Variants in TRDN observed in about 807,000 individuals in gnomAD.
TRDN encodes the protein triadin, also known as triadin in skeletal muscle.
In TRDN, 161 loss-of-function variants were observed where a neutral mutation model predicts 149.7. That is an observed-to-expected ratio of 1.08 (90% CI 0.95 to 1.23). The LOEUF is 1.23. TRDN is among the 50% of genes most tolerant of loss of function. TRDN has a pLI of 0.00. For missense variants in TRDN, 896 were observed against 823.5 expected, an observed-to-expected ratio of 1.09 and a Z score of -1.08; for synonymous variants, 294 against 250.5, an observed-to-expected ratio of 1.17 and a Z score of -1.64.
intron 38 of TRDN, among the ~76,000 whole-genome samples, chr6:123,246,198 A>T (rs886529556): frequency 6.6e-6 from 1 of 152,164 alleles, no homozygotes; most frequent in African/African-American, 2.4e-5. Flanking sequence ...AAGAGCAAAC[A>T]AATTCAAAAT....
At chr6:123,492,453 T>C (rs573445074) in intron 9 of TRDN, among the ~76,000 whole-genome samples, 2 of 152,246 alleles carry the variant, frequency 1.3e-5, no homozygotes, top group South Asian at 2.1e-4. Flanking sequence ...ATTTCTTCCT[T>C]ACAGAAATTT....
At chr6:123,579,373 C>T (rs185972966) in intron 1 of TRDN, among the ~76,000 whole-genome samples, 1 of 152,006 alleles carries the variant, frequency 6.6e-6, no homozygotes, top group African/African-American at 2.4e-5. Context: ...TTTATCAGAA[C>T]CTTTTTCTTC....
intron 5 of TRDN, chr6:123,529,208 T>C: frequency 6.5e-7 from 1 of 1,548,280 alleles, no homozygotes; most frequent in Middle Eastern, 1.7e-4. Flanking sequence ...GTTGAGTTTC[T>C]GTTTAACCTT....
intron 5 of TRDN, among the ~76,000 whole-genome samples, chr6:123,520,871 G>A (rs575907428): frequency 2.6e-5 from 4 of 152,168 alleles, no homozygotes; most frequent in Admixed American, 6.5e-5. Context: ...GCCAGAGAGG[G>A]AAAGAAAATA....
chr6:123,341,592 T>C (rs1780064880), intron 21 of TRDN, among the ~76,000 whole-genome samples: 1 of 151,902 alleles, frequency 6.6e-6, no homozygotes, highest in Admixed American at 6.6e-5. Flanking sequence ...AAAATTTTCT[T>C]GAATGACATC....
Position 123,545,153 on chromosome 6 carries a change from T to G in TRDN, c.424+2187A>C, listed in dbSNP as rs2114419740. Among the ~76,000 whole-genome samples, 2 of 152,086 alleles carry G rather than the reference T, an allele frequency of 1.3e-5. 1 individual carries two copies. The highest frequency in any genetic ancestry group is 3.9e-4 in the East Asian group (2 of 5,182). ...TAAATATTATTGAATATATATGAAT[T>G]GAGAAGGGTATTAATGAAGAGTCAT... On this transcript the variant is annotated intron_variant, in intron 4 of 40. Transcript: ENST00000334268.
chr6:123,404,298 A>G (rs1020056425), intron 12 of TRDN, among the ~76,000 whole-genome samples: 1 of 152,176 alleles, frequency 6.6e-6, no homozygotes, highest in African/African-American at 2.4e-5. Context: ...AAACATGGAA[A>G]TATGTTGTTT....
intron 14 of TRDN, among the ~76,000 whole-genome samples, chr6:123,383,663 T>C (rs1036950293): frequency 1.3e-5 from 2 of 152,000 alleles, no homozygotes; most frequent in African/African-American, 4.8e-5. Flanking sequence ...ATAAATTAAA[T>C]AATGCAAAAT....
Position 123,614,570 on chromosome 6 carries a change from G to A in TRDN, c.22+22184C>T, listed in dbSNP as rs553355104. 3.9e-4 allele frequency among the ~76,000 whole-genome samples: 59 copies of A among 151,138 alleles called. 1 individual carries two copies. The highest frequency in any genetic ancestry group is 1.1e-3 in the African/African-American group (45 of 41,368). ...GAATGGTCAAATATTTTTGAAAAACGTAAGTGTATTTAAAATTTTAATCTA... is the reference window on the plus strand; with the variant it reads ...GAATGGTCAAATATTTTTGAAAAACATAAGTGTATTTAAAATTTTAATCTA... On this transcript the variant is annotated intron_variant, in intron 1 of 40. Coordinates refer to ENST00000334268, the MANE Select transcript of TRDN (RefSeq NM_006073.4).
At chr6:123,389,925 A>G (rs1021382260) in intron 13 of TRDN, among the ~76,000 whole-genome samples, 5 of 152,170 alleles carry the variant, frequency 3.3e-5, no homozygotes, top group Non-Finnish European at 7.3e-5. Flanking sequence ...ATGAGGTTTA[A>G]TTTTAGTAAG....
chr6:123,357,086 T>C (rs1780710111), intron 20 of TRDN, among the ~76,000 whole-genome samples: 1 of 151,946 alleles, frequency 6.6e-6, no homozygotes, highest in Admixed American at 6.6e-5. Context: ...TCTTTTCTGA[T>C]GAATGTTTCT....
At chr6:123,464,650 T>G in intron 10 of TRDN, 2 of 1,216,750 alleles carry the variant, frequency 1.6e-6, no homozygotes, top group Non-Finnish European at 1.0e-6. Flanking sequence ...TATATTTTTT[T>G]GCTTGATTCC....
chr6:123,434,166 A>G (rs1774457404), intron 12 of TRDN: 1 of 152,164 alleles, frequency 6.6e-6, no homozygotes, highest in South Asian at 2.1e-4. Context: ...TAGGTGTTCA[A>G]AAACCATCTC....
intron 7 of TRDN, among the ~76,000 whole-genome samples, chr6:123,506,530 C>A (rs7750711): frequency 0.099 from 15,082 of 151,696 alleles, 1,034 homozygotes; most frequent in South Asian, 0.21. Flanking sequence ...GGCTCTGTTG[C>A]CAGGCTGGAG....
chr6:123,264,161 A>G (rs1052999568), intron 33 of TRDN, among the ~76,000 whole-genome samples: 2 of 152,096 alleles, frequency 1.3e-5, no homozygotes, highest in African/African-American at 4.8e-5. Context: ...TAGGTGTCAT[A>G]TATAGTGACT....
At chr6:123,515,891 C>T (rs1779389425) in intron 6 of TRDN, among the ~76,000 whole-genome samples, 2 of 152,124 alleles carry the variant, frequency 1.3e-5, no homozygotes, top group Admixed American at 1.3e-4. Context: ...AAGGCAGTCT[C>T]AAAACTGCCA....
chr6:123,225,821 G>A (rs1775337063), intron 38 of TRDN, among the ~76,000 whole-genome samples: 1 of 151,652 alleles, frequency 6.6e-6, no homozygotes, highest in Non-Finnish European at 1.5e-5. Flanking sequence ...GCACATATTG[G>A]AATAATGTGG....
rs560368906 is a variant in TRDN, at chr6:123,565,332, T to G, written c.232+5591A>C. 1.2e-3 allele frequency among the ~76,000 whole-genome samples: 176 copies of G among 152,236 alleles called. 1 individual carries two copies. The highest frequency in any genetic ancestry group is 4.0e-3 in the African/African-American group (165 of 41,554). ...CTGTCCTCCCATCCCCCACTTAGGG[T>G]TTCCAAAATCATTCTTCTTTGAGGA... On this transcript the variant is annotated intron_variant, in intron 2 of 40. Transcript: ENST00000334268.
intron 1 of TRDN, among the ~76,000 whole-genome samples, chr6:123,592,819 G>A (rs1783847862): frequency 6.6e-6 from 1 of 151,976 alleles, no homozygotes; most frequent in Admixed American, 6.6e-5. Flanking sequence ...ATTGATCTAG[G>A]GTTATGCTCT....
Sources: allele counts gnomAD v4.1 joint callset (sites outside exome capture counted in the v4.1 genomes callset), GRCh38; gene constraint gnomAD v4.1.1; transcripts MANE v1.5; gene names NCBI Gene and HGNC (gene_info 2026-07-23, HGNC 2026-07-21).